Variants in OSBPL5 observed in about 807,000 individuals in gnomAD.
The protein encoded by OSBPL5 is oxysterol binding protein like 5.
A neutral mutation model predicts 111.2 loss-of-function variants in OSBPL5; 71 were observed. That is an observed-to-expected ratio of 0.64 (90% CI 0.53 to 0.78). The LOEUF is 0.78. Ranked by LOEUF, OSBPL5 falls within the 30% of genes least tolerant of loss-of-function variation. The pLI is 0.00. For missense variants in OSBPL5, 1,210 were observed against 1,189.3 expected, an observed-to-expected ratio of 1.02 and a Z score of -0.26; for synonymous variants, 549 against 513.9, an observed-to-expected ratio of 1.07 and a Z score of -0.93.
rs533008240 is a variant in OSBPL5, at chr11:3,109,400, A to G, written c.692-1455T>C. Reference sequence around the variant, plus strand: ...CTGTTAGTAAGTGTTATTCAAAGAAAGCCTCCTGGGGTCACGTCAGGTGGG... The same window carrying G: ...CTGTTAGTAAGTGTTATTCAAAGAAGGCCTCCTGGGGTCACGTCAGGTGGG... On this transcript the variant is annotated intron_variant, in intron 7 of 21. Coordinates refer to ENST00000263650, the MANE Select transcript of OSBPL5 (RefSeq NM_020896.4). The surrounding 1 kb of genome is among the most constrained non-coding windows in gnomAD (Gnocchi z 7.4). Among the ~76,000 whole-genome samples, 1 of 152,258 alleles carries G rather than the reference A, an allele frequency of 6.6e-6. No homozygotes were observed. The highest frequency in any genetic ancestry group is 2.1e-4 in the South Asian group (1 of 4,820).
At chr11:3,129,821 G>A (rs959138129) in intron 1 of OSBPL5, among the ~76,000 whole-genome samples, 3 of 152,334 alleles carry the variant, frequency 2.0e-5, no homozygotes, top group South Asian at 2.1e-4. Context: ...CTGCGTCCAC[G>A]CCCAGCCCAA....
At chr11:3,131,855 A>ACCC in intron 1 of OSBPL5, among the ~76,000 whole-genome samples, 1 of 78,718 alleles carries the variant, frequency 1.3e-5, no homozygotes, top group Admixed American at 1.2e-4. Context: ...CCACCCACCA[A>ACCC]ACCATCCATC....
At chr11:3,095,195 T>G (rs7102910) in intron 14 of OSBPL5, among the ~76,000 whole-genome samples, 122,110 of 151,160 alleles carry the variant, frequency 0.81, 49,354 homozygotes, top group South Asian at 0.86. Flanking sequence ...GCAGCTCTGA[T>G]GGGGGGAGGT....
chr11:3,098,354 TA>T (rs147972741), intron 14 of OSBPL5, among the ~76,000 whole-genome samples: 98 of 151,156 alleles, frequency 6.5e-4, no homozygotes, highest in African/African-American at 1.6e-3. Flanking sequence ...GTGAGGCACT[TA>T]AAAAAAATGG....
intron 10 of OSBPL5, among the ~76,000 whole-genome samples, chr11:3,103,883 GCCCCATTCCTGCCTCTGCAGC>G (rs1564830890): frequency 1.9e-5 from 1 of 53,802 alleles, no homozygotes; most frequent in Non-Finnish European, 3.6e-5. Flanking sequence ...TGCCTCTGTA[GCCCCATTCCTGCCTCTGCAGC>G]CCCCTTCCTG....
intron 7 of OSBPL5, among the ~76,000 whole-genome samples, chr11:3,114,802 C>A (rs1465919602): frequency 6.6e-6 from 1 of 151,764 alleles, no homozygotes; most frequent in Non-Finnish European, 1.5e-5. Context: ...GGGGTTTCAC[C>A]ATGTTAGCCA....
intron 13 of OSBPL5, 122 bp from the exon 14 acceptor site, chr11:3,100,378 TGG>T: frequency 1.3e-6 from 1 of 786,384 alleles, no homozygotes; most frequent in South Asian, 1.5e-5. Flanking sequence ...GCACTTCCAG[TGG>T]TGTGTCTGTG....
intron 7 of OSBPL5, among the ~76,000 whole-genome samples, chr11:3,116,099 T>TA (rs1242718433): frequency 6.6e-6 from 1 of 152,196 alleles, no homozygotes; most frequent in Non-Finnish European, 1.5e-5. Context: ...TTATTTGGTA[T>TA]AAAAAATTAT....
At position 3,131,297 on chromosome 11, in the gene OSBPL5, C is replaced by T. The variant is rs114133544; in HGVS notation, c.-21-2128G>A. On this transcript the variant is annotated intron_variant, in intron 1 of 21. Transcript: ENST00000263650. ...CAGTCTCATCTATACACCAGTCTCC[C>T]GCTCCCTTGTATCCCTCCATCTATA... Among the ~76,000 whole-genome samples the T allele has an allele frequency of 1.7e-3, 263 of 152,244 alleles. 1 individual carries two copies. The highest frequency in any genetic ancestry group is 5.8e-3 in the African/African-American group (242 of 41,522).
rs1462420388 is a variant in OSBPL5 at position 3,110,595 on chromosome 11, C to T, written c.692-2650G>A. Among the ~76,000 whole-genome samples the T allele has an allele frequency of 8.5e-5, 13 of 152,246 alleles. No homozygotes were observed. The East Asian group carries it at 2.3e-3, about 27-fold the overall frequency. On this transcript the variant is annotated intron_variant, in intron 7 of 21. Coordinates refer to ENST00000263650, the MANE Select transcript of OSBPL5 (RefSeq NM_020896.4). This position sits in a 1 kb window ranked among gnomAD's most constrained non-coding sequence, Gnocchi z 5.3. The stretch of plus-strand genomic sequence containing the variant: ...GGAAAATCTTGGGCCCCTCAAATCA[C>T]TAAGCTAAAGGGAAAAACCCAAGCT...
chr11:3,093,681 C>A lies in OSBPL5; in HGVS notation c.1810-18G>T. ...TCCCTGTCCTGCCCCAGATGGCCAG[C>A]GGGGTCAGAGGCTGGCCTGGCGTTG... On this transcript the variant is annotated intron_variant, in intron 16 of 21. Coordinates refer to ENST00000263650, the MANE Select transcript of OSBPL5 (RefSeq NM_020896.4). 6.2e-7 allele frequency: 1 copy of A among 1,613,140 alleles called. No individual in the cohort carries two copies. The highest frequency in any genetic ancestry group is 8.5e-7 in the Non-Finnish European group (1 of 1,179,900).
At position 3,120,483 on chromosome 11, in the gene OSBPL5, T is replaced by C. The variant is rs749150881; in HGVS notation, c.544A>G (p.Lys182Glu). Residue 182 changes from lysine to glutamate, a missense_variant, in exon 6 of 22, where the codon AAG (lysine) becomes GAG (glutamate). Coordinates refer to ENST00000263650, the MANE Select transcript of OSBPL5 (RefSeq NM_020896.4). ...AGCTTGAAGCAGAAGCCGTCCTTCT[T>C]GGAGGGCCGCTCGATGAGCTCGCAG... ...HCCELIERPSKKDGFCFKLFH... is the reference protein window; with the variant it reads ...HCCELIERPSEKDGFCFKLFH... 3.1e-6 allele frequency: 5 copies of C among 1,613,250 alleles called. No homozygotes were observed. In the African/African-American group the frequency reaches 6.7e-5, roughly 22 times the overall value.
intron 7 of OSBPL5, among the ~76,000 whole-genome samples, chr11:3,118,959 T>C (rs1358461427): frequency 1.3e-5 from 2 of 151,892 alleles, no homozygotes; most frequent in African/African-American, 2.4e-5. Context: ...AATTGTTATA[T>C]GGGTGCTTTT....
chr11:3,129,600 G>A (rs1356734627), intron 1 of OSBPL5, among the ~76,000 whole-genome samples: 2 of 152,186 alleles, frequency 1.3e-5, no homozygotes, highest in African/African-American at 4.8e-5. Context: ...GAAGATGCAC[G>A]GGGGTGAGAC....
intron 12 of OSBPL5, 152 bp from the exon 13 acceptor site, chr11:3,101,851 C>T (rs1012898754): frequency 2.0e-5 from 14 of 697,636 alleles, no homozygotes; most frequent in East Asian, 1.1e-4. Flanking sequence ...TCCTGGCTCT[C>T]GCTTACGACG....
At chr11:3,090,063 C>T in intron 20 of OSBPL5, 115 bp from the exon 21 acceptor site, 1 of 729,508 alleles carries the variant, frequency 1.4e-6, no homozygotes, top group East Asian at 2.8e-5. Flanking sequence ...GCCTCCACCC[C>T]ACCTCATGGG....
At chr11:3,115,417 TA>T (rs2134445467) in intron 7 of OSBPL5, among the ~76,000 whole-genome samples, 1 of 152,322 alleles carries the variant, frequency 6.6e-6, no homozygotes, top group South Asian at 2.1e-4. Context: ...CAAGTCCTGC[TA>T]AATTTTAAAC....
rs774192603 is a variant in OSBPL5, at chr11:3,114,591, A to ACTTTTTTTTTTTT, written c.691+4955_691+4956insAAAAAAAAAAAAG. On this transcript the variant is annotated intron_variant, in intron 7 of 21. Transcript: ENST00000263650. ...GACTAAAGAATTGGTTAGAACAATGATTTTTTTTTTTTTTTTTTTTTTTTT... is the reference window on the plus strand; with the variant it reads ...GACTAAAGAATTGGTTAGAACAATGACTTTTTTTTTTTTTTTTTTTTTTTTTTTTTTTTTTTTT... Among the ~76,000 whole-genome samples the ACTTTTTTTTTTTT allele has an allele frequency of 2.3e-4, 26 of 113,904 alleles. 11 individuals are homozygous for ACTTTTTTTTTTTT. Among genetic ancestry groups the ACTTTTTTTTTTTT allele is most frequent in the African/African-American group, 7.4e-4 (21 of 28,412 alleles). The allele number at this position is 113,904 out of a possible 152,430, so 74.7% of individuals were successfully genotyped here.
intron 1 of OSBPL5, among the ~76,000 whole-genome samples, chr11:3,144,773 C>T (rs534111440): frequency 1.3e-5 from 2 of 152,388 alleles, no homozygotes; most frequent in South Asian, 4.1e-4. Flanking sequence ...CGTCCCCACG[C>T]TCAGGCAGCC....
Sources: allele counts gnomAD v4.1 joint callset (sites outside exome capture counted in the v4.1 genomes callset), GRCh38; gene constraint gnomAD v4.1.1; non-coding constraint Gnocchi (gnomAD v3.1); transcripts MANE v1.5; gene names NCBI Gene and HGNC (gene_info 2026-07-23, HGNC 2026-07-21).